Variants in CHD7 observed in about 807,000 individuals in gnomAD.
The protein encoded by CHD7 is chromodomain helicase DNA binding protein 7, also known as ATP-dependent chromatin remodeler CHD7.
Under a neutral mutation model 307.3 loss-of-function variants are expected in CHD7, and 24 were observed. That is an observed-to-expected ratio of 0.08 (90% CI 0.06 to 0.11). The LOEUF (loss-of-function observed/expected upper bound fraction) is 0.11, where lower values mean the gene tolerates loss of function less well. Among genes scored for constraint, CHD7 ranks in the 10% least tolerant of loss-of-function variants. CHD7 has a pLI of 1.00. For synonymous variants in CHD7, 1,363 were observed against 1,349.9 expected (o/e 1.01, Z -0.21); for missense variants, 3,106 against 3,727.1 (o/e 0.83, Z 4.34).
intron 1 of CHD7, among the ~76,000 whole-genome samples, chr8:60,694,539 A>G (rs777403252): frequency 6.6e-6 from 1 of 152,250 alleles, no homozygotes; most frequent in Non-Finnish European, 1.5e-5. Flanking sequence ...GAACTGAGTG[A>G]TAATGTGAAA....
At chr8:60,807,462 A>G (rs1812590981) in intron 6 of CHD7, among the ~76,000 whole-genome samples, 2 of 152,262 alleles carry the variant, frequency 1.3e-5, no homozygotes, top group Non-Finnish European at 2.9e-5. Context: ...TCTGAACATC[A>G]TCTTCTGCAT....
chr8:60,760,366 G>T (rs1303618294), intron 2 of CHD7, among the ~76,000 whole-genome samples: 2 of 149,374 alleles, frequency 1.3e-5, no homozygotes, highest in Non-Finnish European at 3.0e-5. Context: ...AGACTTAAAC[G>T]TTAGACCTAA....
chr8:60,788,129 C>G (rs1372781955), intron 3 of CHD7, among the ~76,000 whole-genome samples: 1 of 144,356 alleles, frequency 6.9e-6, no homozygotes, highest in Non-Finnish European at 1.5e-5. Flanking sequence ...CCCCAGGTGA[C>G]TTTTTTTTTT....
intron 2 of CHD7, among the ~76,000 whole-genome samples, chr8:60,757,470 T>A (rs1809955977): frequency 6.6e-6 from 1 of 152,238 alleles, no homozygotes; most frequent in African/African-American, 2.4e-5. Flanking sequence ...TCATGACAAT[T>A]ATCTCACTAA....
intron 2 of CHD7, among the ~76,000 whole-genome samples, chr8:60,755,029 T>C (rs995408850): frequency 2.0e-5 from 3 of 152,246 alleles, no homozygotes; most frequent in Admixed American, 6.5e-5. Flanking sequence ...GATGAACTTA[T>C]ACTTTAGTGG....
chr8:60,718,076 T>C (rs1293202917), intron 1 of CHD7, among the ~76,000 whole-genome samples: 1 of 152,196 alleles, frequency 6.6e-6, no homozygotes, highest in African/African-American at 2.4e-5. Flanking sequence ...TCCGAAGACC[T>C]TCCAGTCTTC....
chr8:60,812,462 A>G (rs982693921), intron 7 of CHD7, among the ~76,000 whole-genome samples: 2 of 152,136 alleles, frequency 1.3e-5, no homozygotes, highest in Non-Finnish European at 2.9e-5. Context: ...CAGGAGCTTG[A>G]GACCAGCCTG....
intron 2 of CHD7, among the ~76,000 whole-genome samples, chr8:60,776,733 C>G (rs1461692522): frequency 1.3e-5 from 2 of 152,138 alleles, no homozygotes; most frequent in Non-Finnish European, 2.9e-5. Context: ...CTTGCCGAAA[C>G]GTTGCTAAAT....
rs1381026893 is a variant in CHD7, at chr8:60,865,005, C to T, written c.8077-11C>T. The T allele has an allele frequency of 1.3e-6, 2 of 1,579,016 alleles. No homozygotes were observed. Among genetic ancestry groups the T allele is most frequent in the South Asian group, 2.3e-5 (2 of 86,788 alleles). On this transcript the variant is annotated splice_polypyrimidine_tract_variant and intron_variant, in intron 37 of 37. Transcript: ENST00000423902. The surrounding 1 kb of genome is among the most constrained non-coding windows in gnomAD (Gnocchi z 4.3). ...CCTTTATAGCCACTGTTTGCCTCCCCTGTACTCCAGGGTTTTGTTCCTGAG... is the reference window on the plus strand; with the variant it reads ...CCTTTATAGCCACTGTTTGCCTCCCTTGTACTCCAGGGTTTTGTTCCTGAG...
At chr8:60,754,333 G>A (rs1586271794) in intron 2 of CHD7, among the ~76,000 whole-genome samples, 3 of 152,114 alleles carry the variant, frequency 2.0e-5, no homozygotes, top group African/African-American at 2.4e-5. Context: ...TGATTGTACC[G>A]ATTATACAGA....
At chr8:60,682,948 T>C (rs1166062304) in intron 1 of CHD7, among the ~76,000 whole-genome samples, 1 of 152,176 alleles carries the variant, frequency 6.6e-6, no homozygotes, top group Non-Finnish European at 1.5e-5. Flanking sequence ...AGTAAGCACA[T>C]AGTCACATAG....
chr8:60,822,828 G>T, intron 12 of CHD7, 82 bp downstream of exon 12: 2 of 1,352,738 alleles, frequency 1.5e-6, no homozygotes, highest in South Asian at 4.1e-5. Flanking sequence ...TTGGTGACTT[G>T]GGAAGGTCTA....
chr8:60,703,974 T>G (rs1044937994), intron 1 of CHD7, among the ~76,000 whole-genome samples: 1 of 152,168 alleles, frequency 6.6e-6, no homozygotes, highest in African/African-American at 2.4e-5. Flanking sequence ...ATCCAGTTCT[T>G]TTGTTCCTCT....
At position 60,844,899 on chromosome 8, in the gene CHD7, G is replaced by T; in HGVS notation, c.4886G>T (p.Arg1629Leu). ...TGGACAGACATTCTTTCCCACGGAC[G>T]CTATAAACGCCAACTCACTGAGCAA... ...GRWTDILSHGRYKRQLTEQDV... is the reference protein window; with the variant it reads ...GRWTDILSHGLYKRQLTEQDV... The change falls in exon 22 of 38, where the codon CGC becomes CTC. Residue 1629 changes from arginine (R) to leucine (L), a missense_variant. Physicochemically the swap from Arg to Leu is moderately radical, Grantham distance 102. Transcript: ENST00000423902. 1.2e-6 allele frequency: 2 copies of T among 1,608,600 alleles called. No homozygotes were observed. The highest frequency in any genetic ancestry group is 1.7e-6 in the Non-Finnish European group (2 of 1,176,030).
intron 3 of CHD7, among the ~76,000 whole-genome samples, chr8:60,788,746 G>A (rs1811627758): frequency 6.6e-6 from 1 of 152,188 alleles, no homozygotes; most frequent in Non-Finnish European, 1.5e-5. Flanking sequence ...CACTAGTGGG[G>A]CCTTCGCCAA....
rs1293236067 is a variant in CHD7, at chr8:60,856,547, A to T, written c.7267A>T (p.Met2423Leu). The T allele has an allele frequency of 1.9e-6, 3 of 1,613,904 alleles. No homozygotes were observed. The highest frequency in any genetic ancestry group is 2.7e-5 in the African/African-American group (2 of 74,948). The change falls in exon 34 of 38, where the codon ATG becomes TTG. Residue 2423 changes from methionine to leucine, a missense_variant. Met to Leu is a conservative substitution (Grantham distance 15). This residue lies in a region of CHD7 where 1,030 missense variants were observed against 1,165.4 expected (regional missense o/e 0.88). Transcript: ENST00000423902. ...TGCCAAGAGGCGAAATCTCATGGAG[A>T]TGGTTGCCCAGCTTCGAGAGTCTCA... Reference protein sequence around the residue: ...RAAKRRNLMEMVAQLRESQVV... With the variant: ...RAAKRRNLMELVAQLRESQVV...
chr8:60,752,593 G>A (rs142247521), intron 2 of CHD7, among the ~76,000 whole-genome samples: 13 of 152,210 alleles, frequency 8.5e-5, no homozygotes, highest in East Asian at 1.9e-4. Context: ...GTATCTAAAT[G>A]TGCTCTTTAA....
intron 2 of CHD7, among the ~76,000 whole-genome samples, chr8:60,771,853 G>A (rs1362918292): frequency 2.6e-5 from 4 of 152,214 alleles, no homozygotes; most frequent in African/African-American, 7.2e-5. Context: ...TGGCAACGTA[G>A]AGTTCCCACC....
chr8:60,681,059 G>A (rs751503931), intron 1 of CHD7, among the ~76,000 whole-genome samples: 27 of 152,032 alleles, frequency 1.8e-4, no homozygotes, highest in Non-Finnish European at 3.1e-4. Context: ...TCTCGGTAAG[G>A]GAGGGAGTAC....
Sources: allele counts gnomAD v4.1 joint callset (sites outside exome capture counted in the v4.1 genomes callset), GRCh38; gene constraint gnomAD v4.1.1; regional missense constraint gnomAD v4.1.1; non-coding constraint Gnocchi (gnomAD v3.1); transcripts MANE v1.5; gene names NCBI Gene and HGNC (gene_info 2026-07-23, HGNC 2026-07-21).